Variants in ARHGAP26 observed in about 807,000 individuals in gnomAD.
ARHGAP26 encodes the protein rho GTPase-activating protein 26.
Under a neutral mutation model 104.8 loss-of-function variants are expected in ARHGAP26, and 38 were observed. The observed-to-expected ratio is 0.36, with a 90% CI of 0.28 to 0.48. The LOEUF is 0.48. Among genes scored for constraint, ARHGAP26 ranks in the 20% least tolerant of loss-of-function variants. The pLI, the probability that ARHGAP26 is intolerant of heterozygous loss-of-function variation, is 0.99. For synonymous variants in ARHGAP26, 341 were observed against 340.0 expected (o/e 1.00, Z -0.03); for missense variants, 704 against 947.9 (o/e 0.74, Z 3.38).
chr5:142,945,879 G>T (rs901452138), intron 11 of ARHGAP26, among the ~76,000 whole-genome samples: 3 of 151,746 alleles, frequency 2.0e-5, no homozygotes, highest in Admixed American at 6.6e-5. Context: ...TATTTTTCTG[G>T]TCCAGTGTCT....
chr5:142,885,250 C>A, intron 4 of ARHGAP26, 48 bp from the exon 5 acceptor site: 1 of 1,517,934 alleles, frequency 6.6e-7, no homozygotes. Flanking sequence ...TGCTTTTATT[C>A]CTGCAACGTG....
chr5:142,990,977 C>G (rs1775522758), intron 11 of ARHGAP26, among the ~76,000 whole-genome samples: 1 of 152,218 alleles, frequency 6.6e-6, no homozygotes, highest in African/African-American at 2.4e-5. Context: ...AGAACCACTA[C>G]TCTCTTCAAA....
intron 10 of ARHGAP26, among the ~76,000 whole-genome samples, chr5:142,913,637 G>C (rs153167): frequency 0.49 from 74,244 of 152,062 alleles, 21,384 homozygotes; most frequent in East Asian, 0.91. Context: ...TTAAAGAAAA[G>C]TATTTAGCAT....
intron 20 of ARHGAP26, among the ~76,000 whole-genome samples, chr5:143,186,321 C>G (rs1464134311): frequency 6.6e-6 from 1 of 152,080 alleles, no homozygotes; most frequent in East Asian, 1.9e-4. Context: ...GGAAGTAATG[C>G]CCTGTGACTC....
At chr5:142,927,512 T>A (rs1455417378) in intron 10 of ARHGAP26, among the ~76,000 whole-genome samples, 3 of 152,200 alleles carry the variant, frequency 2.0e-5, no homozygotes, top group African/African-American at 7.2e-5. Flanking sequence ...TGACTCTTTT[T>A]TTAAAAAAAT....
rs147718577 is a variant in ARHGAP26, at chr5:142,845,950, A to G, written c.155-27450A>G. ...ATTTTCTCCTTGTTTCCTCACCCAC[A>G]CTTCACTCACATGCCTTTTTTTCCC... On this transcript the variant is annotated intron_variant, in intron 1 of 22. Coordinates refer to ENST00000645722, the MANE Select transcript of ARHGAP26 (RefSeq NM_001135608.3). Among the ~76,000 whole-genome samples the G allele has an allele frequency of 2.2e-3, 340 of 151,720 alleles. 3 individuals are homozygous for G. The highest frequency in any genetic ancestry group is 7.7e-3 in the African/African-American group (320 of 41,302).
At chr5:143,088,750 T>C (rs1790968190) in intron 17 of ARHGAP26, among the ~76,000 whole-genome samples, 1 of 152,232 alleles carries the variant, frequency 6.6e-6, no homozygotes, top group African/African-American at 2.4e-5. Context: ...AAGGGGTTTT[T>C]ATCCCTGACA....
intron 19 of ARHGAP26, among the ~76,000 whole-genome samples, chr5:143,135,596 A>T (rs1218669599): frequency 6.6e-6 from 1 of 151,922 alleles, no homozygotes; most frequent in Non-Finnish European, 1.5e-5. Flanking sequence ...CCATCCCAAA[A>T]CCCTTACTGC....
Position 143,133,269 on chromosome 5 carries a change from T to C in ARHGAP26, c.1699-698T>C, listed in dbSNP as rs74488324. Among the ~76,000 whole-genome samples the C allele has an allele frequency of 4.8e-3, 733 of 152,294 alleles. 17 individuals are homozygous for C. The South Asian group carries it at 0.051, about 11-fold the overall frequency. ...AAAACCTAAATGCTAACAGTGGTTA[T>C]CTCTAGGTGGTAAAATCGGGATAAT... On this transcript the variant is annotated intron_variant, in intron 18 of 22. Coordinates refer to ENST00000645722, the MANE Select transcript of ARHGAP26 (RefSeq NM_001135608.3).
chr5:143,211,984 C>T (rs146453822), intron 21 of ARHGAP26, among the ~76,000 whole-genome samples: 177 of 152,282 alleles, frequency 1.2e-3, no homozygotes, highest in Admixed American at 1.8e-3. Flanking sequence ...TTTCTGGCTG[C>T]CAAATACCCC....
chr5:143,221,118 A>G (rs1391647044), intron 22 of ARHGAP26, among the ~76,000 whole-genome samples: 1 of 151,898 alleles, frequency 6.6e-6, no homozygotes, highest in African/African-American at 2.4e-5. Context: ...AACATCCCCC[A>G]CCTCTTAGTC....
At chr5:142,860,622 A>T (rs1753156054) in intron 1 of ARHGAP26, 1 of 152,194 alleles carries the variant, frequency 6.6e-6, no homozygotes, top group Non-Finnish European at 1.5e-5. Flanking sequence ...AGGAGACATG[A>T]TTGAGAACAT....
Position 143,225,701 on chromosome 5 carries a change from CT to C in ARHGAP26, c.*3259del. Reference sequence around the variant, plus strand: ...GAAACAGAGCTGCTGCCAATGGGATCTTTTAGGTAACTCCCTCCCTAGCTTC... The same window carrying C: ...GAAACAGAGCTGCTGCCAATGGGATCTTTAGGTAACTCCCTCCCTAGCTTC... On this transcript the variant is annotated 3_prime_UTR_variant, in exon 23 of 23. Transcript: ENST00000645722. The C allele has an allele frequency of 4.4e-6, 1 of 227,152 alleles. No individual in the cohort carries two copies. The highest frequency in any genetic ancestry group is 8.8e-6 in the Non-Finnish European group (1 of 114,028). The allele number at this position is 227,152 out of a possible 1,614,324, so 14.1% of individuals were successfully genotyped here.
At chr5:142,780,282 T>C (rs1351944705) in intron 1 of ARHGAP26, among the ~76,000 whole-genome samples, 1 of 152,208 alleles carries the variant, frequency 6.6e-6, no homozygotes, top group African/African-American at 2.4e-5. Flanking sequence ...ATTTCCAACC[T>C]TTCACCATTG....
intron 11 of ARHGAP26, among the ~76,000 whole-genome samples, chr5:142,956,345 A>G (rs1394128544): frequency 6.6e-6 from 1 of 152,026 alleles, no homozygotes; most frequent in Admixed American, 6.6e-5. Flanking sequence ...TGAGGCTGAG[A>G]TGGGAGGATC....
At chr5:142,956,708 A>G (rs1769300025) in intron 11 of ARHGAP26, among the ~76,000 whole-genome samples, 1 of 152,224 alleles carries the variant, frequency 6.6e-6, no homozygotes, top group Non-Finnish European at 1.5e-5. Flanking sequence ...TGATAAAGAC[A>G]TAGTTGAGAC....
At chr5:143,050,307 A>C (rs1784822559) in intron 14 of ARHGAP26, among the ~76,000 whole-genome samples, 1 of 150,530 alleles carries the variant, frequency 6.6e-6, no homozygotes, top group Non-Finnish European at 1.5e-5. Flanking sequence ...ATTCAGCATC[A>C]CTGTTTTTCT....
chr5:143,168,508 T>C (rs1802353431), intron 20 of ARHGAP26: 1 of 142,064 alleles, frequency 7.0e-6, no homozygotes, highest in South Asian at 2.3e-4. Flanking sequence ...GGGCCTGTTT[T>C]GGTTTCTGAG....
rs369767924 is a variant in ARHGAP26 at position 143,091,163 on chromosome 5, G to A, written c.1539-29825G>A. Among the ~76,000 whole-genome samples, 12 of 152,300 alleles carry A rather than the reference G, an allele frequency of 7.9e-5. No individual in the cohort carries two copies. In the East Asian group the frequency reaches 1.2e-3, roughly 15 times the overall value. On this transcript the variant is annotated intron_variant, in intron 17 of 22. Transcript: ENST00000645722. The stretch of plus-strand genomic sequence containing the variant: ...GACTATGGCCCACGACTCTGGAGGG[G>A]GCGGCGCTTTCTTGACTCGGGTGTG...
Sources: allele counts gnomAD v4.1 joint callset (sites outside exome capture counted in the v4.1 genomes callset), GRCh38; gene constraint gnomAD v4.1.1; transcripts MANE v1.5; gene names NCBI Gene and HGNC (gene_info 2026-07-23, HGNC 2026-07-21).